The following ITGA4 variants were observed in gnomAD, a reference collection of about 807,000 sequenced individuals.
The protein encoded by ITGA4 is integrin subunit alpha 4.
In ITGA4, 63 loss-of-function variants were observed where a neutral mutation model predicts 133.6. The observed-to-expected ratio is 0.47, with a 90% CI of 0.38 to 0.58. The LOEUF (loss-of-function observed/expected upper bound fraction) is 0.58. Ranked by LOEUF, ITGA4 falls within the 20% of genes least tolerant of loss-of-function variation. The pLI is 0.00. For synonymous variants in ITGA4, 483 were observed against 438.0 expected (o/e 1.10, Z -1.28); for missense variants, 1,076 against 1,252.7 (o/e 0.86, Z 2.13).
chr2:181,485,185 C>G (rs1211642721), intron 9 of ITGA4, among the ~76,000 whole-genome samples: 1 of 152,126 alleles, frequency 6.6e-6, no homozygotes, highest in African/African-American at 2.4e-5. Context: ...GTATTATTCC[C>G]TAAATTAAGA....
chr2:181,475,659 A>C (rs1408450786), intron 4 of ITGA4, among the ~76,000 whole-genome samples: 2 of 152,180 alleles, frequency 1.3e-5, no homozygotes, highest in Non-Finnish European at 2.9e-5. Flanking sequence ...TTCCTTTTTT[A>C]CCTTTAGCTT....
intron 4 of ITGA4, chr2:181,475,840 G>GC (rs1350543583): frequency 3.7e-6 from 6 of 1,603,854 alleles, no homozygotes; most frequent in East Asian, 2.2e-5. Context: ...CAAGTACAGA[G>GC]CTAGGACATA....
In ITGA4 at chr2:181,499,510, C is replaced by A. The variant is rs114282142; in HGVS notation, c.1695+733C>A. Among the ~76,000 whole-genome samples, 10 of 152,216 alleles carry A rather than the reference C, an allele frequency of 6.6e-5. No individual in the cohort carries two copies. The East Asian group carries it at 1.9e-3, about 29-fold the overall frequency. On this transcript the variant is annotated intron_variant, in intron 15 of 27. Transcript: ENST00000397033. ...ATTGTCACAAAAAACCAAACTATTCCCAGGAGCCCTTTCTGGGATTTCAAA... is the reference window on the plus strand; with the variant it reads ...ATTGTCACAAAAAACCAAACTATTCACAGGAGCCCTTTCTGGGATTTCAAA...
chr2:181,493,267 C>A, intron 10 of ITGA4, 58 bp from the exon 11 acceptor site: 2 of 1,164,712 alleles, frequency 1.7e-6, no homozygotes, highest in South Asian at 1.3e-5. Context: ...GGTTAGTTTT[C>A]GAAGTTGCAT....
chr2:181,474,938 A>C lies in ITGA4; in HGVS notation c.320-22A>C, dbSNP rs566526480. On this transcript the variant is annotated intron_variant, in intron 2 of 27. Transcript: ENST00000397033. ...TAGAATGTTTTCAATACAACTGATAAAATTATTTTCACATGCTATAGGTAG... is the reference window on the plus strand; with the variant it reads ...TAGAATGTTTTCAATACAACTGATACAATTATTTTCACATGCTATAGGTAG... 3 of 1,574,042 alleles carry C rather than the reference A, an allele frequency of 1.9e-6. No homozygotes were observed. The South Asian group carries it at 3.4e-5, about 18-fold the overall frequency.
At chr2:181,510,540 T>C (rs1559051838) in intron 16 of ITGA4, among the ~76,000 whole-genome samples, 1 of 152,098 alleles carries the variant, frequency 6.6e-6, no homozygotes, top group Non-Finnish European at 1.5e-5. Flanking sequence ...TGTTCACTAA[T>C]GACACACAGA....
chr2:181,514,879 T>C (rs1686575888), intron 17 of ITGA4, among the ~76,000 whole-genome samples: 1 of 152,148 alleles, frequency 6.6e-6, no homozygotes, highest in African/African-American at 2.4e-5. Flanking sequence ...CAACAAAATA[T>C]CTGCTTTGCA....
chr2:181,468,470 G>A (rs893001059), intron 2 of ITGA4, among the ~76,000 whole-genome samples: 2 of 152,076 alleles, frequency 1.3e-5, no homozygotes, highest in Non-Finnish European at 2.9e-5. Context: ...TGCATGTAAG[G>A]CACTATCTTG....
chr2:181,493,219 A>T (rs957122037), intron 10 of ITGA4, 106 bp from the exon 11 acceptor site: 3 of 664,098 alleles, frequency 4.5e-6, no homozygotes, highest in Non-Finnish European at 7.9e-6. Context: ...TTTTCATAAA[A>T]GAGAGTTTTC....
chr2:181,486,029 T>C, intron 10 of ITGA4, 37 bp downstream of exon 10: 2 of 1,557,296 alleles, frequency 1.3e-6, no homozygotes, highest in East Asian at 2.3e-5. Flanking sequence ...TGATTTCTGC[T>C]TTTAAAATGG....
chr2:181,470,138 A>G (rs1399273672), intron 2 of ITGA4, among the ~76,000 whole-genome samples: 1 of 152,302 alleles, frequency 6.6e-6, no homozygotes, highest in Non-Finnish European at 1.5e-5. Context: ...TTGATGGGAA[A>G]GTAAGTATAA....
chr2:181,467,571 C>A (rs1685450437), intron 2 of ITGA4, among the ~76,000 whole-genome samples: 1 of 152,088 alleles, frequency 6.6e-6, no homozygotes, highest in Non-Finnish European at 1.5e-5. Flanking sequence ...GAGAACCATT[C>A]TAAATGGAGG....
chr2:181,460,077 GATGA>G (rs1685231498), intron 2 of ITGA4, among the ~76,000 whole-genome samples: 1 of 152,208 alleles, frequency 6.6e-6, no homozygotes, highest in East Asian at 1.9e-4. Flanking sequence ...CTTTTGGATG[GATGA>G]ATGAATAAAA....
At chr2:181,518,941 A>C (rs1479632459) in intron 17 of ITGA4, among the ~76,000 whole-genome samples, 2 of 152,084 alleles carry the variant, frequency 1.3e-5, no homozygotes, top group African/African-American at 2.4e-5. Flanking sequence ...TCCTCAGTTA[A>C]AAAATTATAA....
In ITGA4 at chr2:181,495,979, T is replaced by A. The variant is rs199740152; in HGVS notation, c.1540+42T>A. 9.9e-5 allele frequency: 157 copies of A among 1,591,500 alleles called. 2 individuals are homozygous for A. In the South Asian group the frequency reaches 1.6e-3, roughly 17 times the overall value. On this transcript the variant is annotated intron_variant, in intron 14 of 27. Transcript: ENST00000397033. This position sits in a 1 kb window ranked among gnomAD's most constrained non-coding sequence, Gnocchi z 4.3. ...ATATTAATGCTTGATGGGGTGCGGT[T>A]CATTCATTAATCCCACAATCCTGCT...
intron 2 of ITGA4, among the ~76,000 whole-genome samples, chr2:181,465,358 A>C (rs1341906509): frequency 6.6e-6 from 1 of 152,056 alleles, no homozygotes; most frequent in South Asian, 2.1e-4. Flanking sequence ...GGTTTTTCTC[A>C]TGTATTTTTA....
chr2:181,489,821 G>A (rs1336880029), intron 10 of ITGA4, among the ~76,000 whole-genome samples: 2 of 152,086 alleles, frequency 1.3e-5, no homozygotes, highest in African/African-American at 4.8e-5. Flanking sequence ...TCCCTTCTGA[G>A]TCTTCATTGT....
intron 8 of ITGA4, 23 bp from the exon 9 acceptor site, chr2:181,482,491 G>A (rs781383193): frequency 1.2e-6 from 2 of 1,613,516 alleles, no homozygotes; most frequent in African/African-American, 2.7e-5. Flanking sequence ...CTCAATGAGT[G>A]GATCTGGTTT....
chr2:181,494,574 T>C (rs2105744598), intron 11 of ITGA4, 148 bp from the exon 12 acceptor site: 4 of 609,528 alleles, frequency 6.6e-6, no homozygotes, highest in East Asian at 2.8e-5. Flanking sequence ...TTTGTCACCC[T>C]TAGAAGTATT....
Sources: allele counts gnomAD v4.1 joint callset (sites outside exome capture counted in the v4.1 genomes callset), GRCh38; gene constraint gnomAD v4.1.1; non-coding constraint Gnocchi (gnomAD v3.1); transcripts MANE v1.5; gene names NCBI Gene and HGNC (gene_info 2026-07-23, HGNC 2026-07-21).